Variants in PHF20L1 observed in about 807,000 individuals in gnomAD.
PHF20L1 encodes the protein PHD finger protein 20-like protein 1.
In PHF20L1, 44 loss-of-function variants were observed where a neutral mutation model predicts 125.5. The observed-to-expected ratio is 0.35, with a 90% CI of 0.28 to 0.45. The LOEUF is 0.45. Ranked by LOEUF, PHF20L1 falls within the 20% of genes least tolerant of loss-of-function variation. PHF20L1 has a pLI of 1.00. For missense variants in PHF20L1, 1,012 were observed against 1,217.2 expected, an observed-to-expected ratio of 0.83 and a Z score of 2.51; for synonymous variants, 380 against 403.1, an observed-to-expected ratio of 0.94 and a Z score of 0.69.
chr8:132,794,439 A>G lies in PHF20L1; in HGVS notation c.113A>G (p.Tyr38Cys), dbSNP rs1832152625. Residue 38 changes from tyrosine to cysteine, a missense_variant, in exon 3 of 21, where the codon TAT (tyrosine) becomes TGT (cysteine). Tyr to Cys is a radical substitution (Grantham distance 194). Coordinates refer to ENST00000395386, the MANE Select transcript of PHF20L1 (RefSeq NM_016018.5). ...CCATCACGAATTGAAAAAATTGACT[A>G]TGAGGAGGGCAAGATGTTGGTCCAT... ...WYPSRIEKID[Y>C]EEGKMLVHFE... 6.2e-7 allele frequency: 1 copy of G among 1,609,988 alleles called. No homozygotes were observed. Among genetic ancestry groups the G allele is most frequent in the Non-Finnish European group, 8.5e-7 (1 of 1,177,450 alleles).
intron 9 of PHF20L1, chr8:132,811,822 G>T: frequency 1.0e-6 from 1 of 984,582 alleles, no homozygotes; most frequent in Non-Finnish European, 1.2e-6. Context: ...AGCCATAACT[G>T]GATTTCCTTG....
At chr8:132,820,384 A>G (rs1401460896) in intron 12 of PHF20L1, among the ~76,000 whole-genome samples, 1 of 151,908 alleles carries the variant, frequency 6.6e-6, no homozygotes, top group South Asian at 2.1e-4. Flanking sequence ...GCCCCTTGTC[A>G]ACACAATTCT....
chr8:132,810,473 A>G (rs1834253842), intron 8 of PHF20L1: 1 of 152,158 alleles, frequency 6.6e-6, no homozygotes, highest in African/African-American at 2.4e-5. Context: ...TCTAGGAAAG[A>G]CCCACACTTT....
chr8:132,842,919 G>C, intron 19 of PHF20L1, 44 bp downstream of exon 19: 2 of 1,526,760 alleles, frequency 1.3e-6, no homozygotes, highest in Non-Finnish European at 8.8e-7. Context: ...TATGAGAGAA[G>C]AACAAAGGAA....
chr8:132,814,660 T>C lies in PHF20L1; in HGVS notation c.954T>C (p.Ser318=), dbSNP rs1353378594. The C allele has an allele frequency of 1.2e-6, 2 of 1,602,272 alleles. No individual in the cohort carries two copies. Among genetic ancestry groups the C allele is most frequent in the Admixed American group, 3.4e-5 (2 of 59,028 alleles). ...LEQAISPKPQ[S]QKKNEADISS... ...AGGCGATTTCACCTAAACCTCAAAGTCAGAAAAAAAATGAAGCTGACATTA... is the reference window on the plus strand; with the variant it reads ...AGGCGATTTCACCTAAACCTCAAAGCCAGAAAAAAAATGAAGCTGACATTA... Residue 318 remains serine (S), a synonymous_variant, in exon 10 of 21, where the codon AGT becomes AGC. Transcript: ENST00000395386.
chr8:132,780,002 A>G (rs1830247054), intron 2 of PHF20L1, among the ~76,000 whole-genome samples: 1 of 152,232 alleles, frequency 6.6e-6, no homozygotes, highest in Non-Finnish European at 1.5e-5. Flanking sequence ...ATCACATATT[A>G]TCACTGAAAC....
intron 6 of PHF20L1, 102 bp from the exon 7 acceptor site, chr8:132,803,717 C>T: frequency 3.1e-6 from 2 of 646,952 alleles, no homozygotes; most frequent in Non-Finnish European, 5.5e-6. Flanking sequence ...TATGTAGTTA[C>T]CTGTGAAAGT....
At chr8:132,780,475 ATAGT>A (rs1398717026) in intron 2 of PHF20L1, among the ~76,000 whole-genome samples, 9 of 152,206 alleles carry the variant, frequency 5.9e-5, no homozygotes, top group East Asian at 1.9e-4. Context: ...GCAAAATATT[ATAGT>A]TAATCATTGA....
intron 4 of PHF20L1, among the ~76,000 whole-genome samples, chr8:132,795,894 T>C (rs1832329251): frequency 6.6e-6 from 1 of 152,116 alleles, no homozygotes; most frequent in African/African-American, 2.4e-5. Context: ...CTCTCTTCCT[T>C]CCTCTCTCTC....
intron 20 of PHF20L1, among the ~76,000 whole-genome samples, chr8:132,844,975 G>C (rs1179677504): frequency 6.6e-6 from 1 of 151,842 alleles, no homozygotes; most frequent in Non-Finnish European, 1.5e-5. Flanking sequence ...GCATAAGCAC[G>C]TGATACCTCT....
At chr8:132,807,690 T>C in intron 8 of PHF20L1, 1 of 454,870 alleles carries the variant, frequency 2.2e-6, no homozygotes, top group Non-Finnish European at 4.4e-6. Flanking sequence ...TCCAGGGAGC[T>C]CTGGGCTCTG....
intron 12 of PHF20L1, among the ~76,000 whole-genome samples, chr8:132,821,227 T>A (rs549288998): frequency 6.7e-6 from 1 of 150,372 alleles, no homozygotes; most frequent in East Asian, 1.9e-4. Context: ...ATTACATAGA[T>A]ACTTACATAG....
intron 2 of PHF20L1, among the ~76,000 whole-genome samples, chr8:132,778,824 C>T (rs963135977): frequency 1.3e-5 from 2 of 152,200 alleles, no homozygotes; most frequent in Non-Finnish European, 2.9e-5. Context: ...GGGAGGGATG[C>T]TGCCTTTGCT....
chr8:132,814,512 T>C (rs537624375), intron 9 of PHF20L1, 125 bp from the exon 10 acceptor site: 1 of 575,310 alleles, frequency 1.7e-6, no homozygotes, highest in East Asian at 3.2e-5. Context: ...TCATTTGTAA[T>C]AGAAATGTTA....
In PHF20L1 at chr8:132,775,406, A is replaced by AGGCGGCGGCGGCGGC. The variant is rs3832583; in HGVS notation, c.-272_-258dup. 4 of 382,546 alleles carry AGGCGGCGGCGGCGGC rather than the reference A, an allele frequency of 1.0e-5. No homozygotes were observed. The highest frequency in any genetic ancestry group is 9.2e-6 in the Non-Finnish European group (2 of 218,460). 23.7% of individuals were successfully genotyped at this position (382,546 alleles called of 1,614,324 possible). On this transcript the variant is annotated 5_prime_UTR_variant, in exon 1 of 21. Coordinates refer to ENST00000395386, the MANE Select transcript of PHF20L1 (RefSeq NM_016018.5). ...TCGCGTCAGGGCTGGCCGGCGGCGG[A>AGGCGGCGGCGGCGGC]GGCGGCGGCGGCGGCGGCGATGGCA...
chr8:132,785,201 A>G (rs1298768844), intron 2 of PHF20L1, among the ~76,000 whole-genome samples: 2 of 152,128 alleles, frequency 1.3e-5, no homozygotes, highest in African/African-American at 4.8e-5. Flanking sequence ...TATTTGTTAC[A>G]TCATTCCTGC....
intron 6 of PHF20L1, chr8:132,803,553 T>G (rs1285590803): frequency 5.4e-6 from 2 of 372,142 alleles, no homozygotes; most frequent in Non-Finnish European, 4.8e-6. Context: ...TATTTTAGAT[T>G]TTATTCCTGT....
intron 4 of PHF20L1, among the ~76,000 whole-genome samples, chr8:132,796,842 G>C (rs1563796418): frequency 6.6e-6 from 1 of 152,116 alleles, no homozygotes; most frequent in East Asian, 1.9e-4. Flanking sequence ...TCTTCTGTTG[G>C]GTAATAAGAT....
At chr8:132,777,494 T>C (rs899852976) in intron 1 of PHF20L1, among the ~76,000 whole-genome samples, 2 of 152,256 alleles carry the variant, frequency 1.3e-5, no homozygotes, top group African/African-American at 4.8e-5. Flanking sequence ...ATCTGGAAGC[T>C]CAAATGTAAA....
Sources: allele counts gnomAD v4.1 joint callset (sites outside exome capture counted in the v4.1 genomes callset), GRCh38; gene constraint gnomAD v4.1.1; transcripts MANE v1.5; gene names NCBI Gene and HGNC (gene_info 2026-07-23, HGNC 2026-07-21).